Variants in COL4A6 observed in about 807,000 individuals in gnomAD.
COL4A6 encodes the protein collagen alpha-6(IV) chain.
A neutral mutation model predicts 126.7 loss-of-function variants in COL4A6; 59 were observed. That is an observed-to-expected ratio of 0.47 (90% confidence interval 0.38 to 0.58). COL4A6 has a LOEUF of 0.58. COL4A6 is among the 20% of genes least tolerant of loss of function. The probability of loss-of-function intolerance (pLI) is 0.00; values close to 1 mark genes in which losing one functional copy is unlikely to be tolerated. For missense variants in COL4A6, 1,285 were observed against 1,337.3 expected (o/e 0.96, Z 0.61); for synonymous variants, 547 against 496.6 (o/e 1.10, Z -1.35).
intron 3 of COL4A6, among the ~76,000 whole-genome samples, chrX:108,273,212 C>T (rs1008711301): frequency 9.1e-6 from 1 of 110,457 alleles, no homozygotes; most frequent in African/African-American, 3.3e-5. Context: ...TTTATGCAGC[C>T]AACAGACACA....
rs752533276 is a variant in COL4A6, at chrX:108,366,449, T to C, written c.64-55621A>G. Among the ~76,000 whole-genome samples the C allele has an allele frequency of 1.4e-4, 16 of 112,247 alleles. No homozygotes were observed. In the East Asian group the frequency reaches 4.5e-3, roughly 31 times the overall value. On this transcript the variant is annotated intron_variant, in intron 2 of 44. Coordinates refer to ENST00000334504, the MANE Select transcript of COL4A6 (RefSeq NM_033641.4). Reference sequence around the variant, plus strand: ...CTTCACATTATTCCAATCTTCTCTTTAACTGCAGCTCATTATCTGGTTAAG... The same window carrying C: ...CTTCACATTATTCCAATCTTCTCTTCAACTGCAGCTCATTATCTGGTTAAG...
At chrX:108,186,957 G>A in intron 23 of COL4A6, 139 bp downstream of exon 23, 1 of 489,398 alleles carries the variant, frequency 2.0e-6, no homozygotes, top group East Asian at 3.9e-5. Flanking sequence ...TTTTTCACAT[G>A]CAAATCCTTC....
At chrX:108,170,480 T>C in intron 35 of COL4A6, 129 bp downstream of exon 35, 1 of 570,712 alleles carries the variant, frequency 1.8e-6, no homozygotes, top group South Asian at 2.6e-5. Context: ...TCCTTTCCCA[T>C]GATTCCTCAT....
intron 3 of COL4A6, among the ~76,000 whole-genome samples, chrX:108,272,076 C>G: frequency 9.0e-6 from 1 of 111,640 alleles, no homozygotes; most frequent in South Asian, 3.8e-4. Context: ...TCCAATAGGT[C>G]TTTCACATTT....
chrX:108,339,502 C>G (rs1462640204), intron 2 of COL4A6, among the ~76,000 whole-genome samples: 1 of 111,523 alleles, frequency 9.0e-6, no homozygotes, highest in Non-Finnish European at 1.9e-5. Flanking sequence ...CCCTCACCCT[C>G]CCAAACTTTG....
At chrX:108,373,141 G>A (rs184262794) in intron 2 of COL4A6, among the ~76,000 whole-genome samples, 1 of 111,713 alleles carries the variant, frequency 9.0e-6, no homozygotes, top group East Asian at 2.8e-4. Context: ...GGTGGCTCAT[G>A]CCTGTAATCT....
chrX:108,172,365 GAAAAAAAA>G (rs397935341), intron 32 of COL4A6, 96 bp downstream of exon 32: 92 of 111,245 alleles, frequency 8.3e-4, no homozygotes, highest in African/African-American at 5.7e-3. Context: ...GCCTAAAAAA[GAAAAAAAA>G]AAAAAAAAAA....
chrX:108,278,179 C>T (rs188463888), intron 3 of COL4A6, among the ~76,000 whole-genome samples: 3,337 of 111,661 alleles, frequency 0.03, 119 homozygotes, highest in African/African-American at 0.1. Context: ...AGGCTTCAGA[C>T]GATCAAACTA....
intron 3 of COL4A6, among the ~76,000 whole-genome samples, chrX:108,257,770 A>C (rs936735571): frequency 9.0e-6 from 1 of 111,015 alleles, no homozygotes; most frequent in African/African-American, 3.3e-5. Context: ...AGAGGTACCA[A>C]ACTAATAAAA....
chrX:108,267,041 C>T (rs1242992074), intron 3 of COL4A6, among the ~76,000 whole-genome samples: 1 of 112,079 alleles, frequency 8.9e-6, no homozygotes, highest in East Asian at 2.8e-4. Context: ...GGGCTAAAGT[C>T]AAGCTATTGG....
At chrX:108,239,188 C>T (rs901980026) in intron 3 of COL4A6, among the ~76,000 whole-genome samples, 1 of 112,120 alleles carries the variant, frequency 8.9e-6, no homozygotes, top group Non-Finnish European at 1.9e-5. Flanking sequence ...TTCATTGAAC[C>T]GGAAGTCTCA....
At chrX:108,179,144 G>A in intron 26 of COL4A6, 73 bp downstream of exon 26, 2 of 934,718 alleles carry the variant, frequency 2.1e-6, no homozygotes, top group Non-Finnish European at 3.0e-6. Context: ...ATTCATGCAA[G>A]TATTCATGGA....
chrX:108,219,429 C>T (rs1225899182), intron 5 of COL4A6, among the ~76,000 whole-genome samples: 2 of 111,774 alleles, frequency 1.8e-5, no homozygotes, highest in Non-Finnish European at 3.8e-5. Context: ...CTCCACTCAA[C>T]CCACAAGACT....
At chrX:108,162,697 G>A (rs1216345679) in intron 41 of COL4A6, among the ~76,000 whole-genome samples, 195 bp downstream of exon 41, 1 of 111,527 alleles carries the variant, frequency 9.0e-6, no homozygotes, top group Non-Finnish European at 1.9e-5. Flanking sequence ...ATCCTCTAAA[G>A]CCAAGTACCA....
intron 8 of COL4A6, among the ~76,000 whole-genome samples, chrX:108,208,237 T>C (rs1200318396): frequency 2.7e-5 from 3 of 111,900 alleles, no homozygotes; most frequent in Non-Finnish European, 5.6e-5. Context: ...CAGTTGGACA[T>C]CTTAACATCC....
At chrX:108,218,353 A>G (rs900677838) in intron 5 of COL4A6, among the ~76,000 whole-genome samples, 1 of 112,586 alleles carries the variant, frequency 8.9e-6, no homozygotes, top group Non-Finnish European at 1.9e-5. Context: ...CAGCCATAAG[A>G]AAATGTCAGG....
intron 2 of COL4A6, among the ~76,000 whole-genome samples, chrX:108,398,095 A>G (rs2041004464): frequency 8.9e-6 from 1 of 112,287 alleles, no homozygotes; most frequent in Non-Finnish European, 1.9e-5. Context: ...AATATATGTT[A>G]AAATAGTTAA....
intron 42 of COL4A6, 70 bp from the exon 43 acceptor site, chrX:108,160,724 C>T: frequency 1.0e-6 from 1 of 956,883 alleles, no homozygotes; most frequent in African/African-American, 1.9e-5. Flanking sequence ...CACATTGTAC[C>T]ACACATTGTC....
rs139775020 is a variant in COL4A6 at position 108,185,234 on chromosome X, A to C, written c.1951+1862T>G. Reference sequence around the variant, plus strand: ...TGGTGAAAGCCTGTCTCTACTAAAAATTCGAAAATTATCCAGGTGTGGTGG... The same window carrying C: ...TGGTGAAAGCCTGTCTCTACTAAAACTTCGAAAATTATCCAGGTGTGGTGG... On this transcript the variant is annotated intron_variant, in intron 23 of 44. Coordinates refer to ENST00000334504, the MANE Select transcript of COL4A6 (RefSeq NM_033641.4). Among the ~76,000 whole-genome samples the C allele has an allele frequency of 4.0e-3, 438 of 110,273 alleles. 3 individuals carry two copies. The highest frequency in any genetic ancestry group is 0.014 in the African/African-American group (415 of 30,289).
Sources: allele counts gnomAD v4.1 joint callset (sites outside exome capture counted in the v4.1 genomes callset), GRCh38; gene constraint gnomAD v4.1.1; transcripts MANE v1.5; gene names NCBI Gene and HGNC (gene_info 2026-07-23, HGNC 2026-07-21).